Variants in SRPK2 observed in about 807,000 individuals in gnomAD.
SRPK2 encodes SFRS protein kinase 2.
In SRPK2, 21 loss-of-function variants were observed where a neutral mutation model predicts 90.8. The observed-to-expected ratio is 0.23, with a 90% CI of 0.16 to 0.33. The LOEUF (loss-of-function observed/expected upper bound fraction) is 0.33. Ranked by LOEUF, SRPK2 falls within the 10% of genes least tolerant of loss-of-function variation. The probability of loss-of-function intolerance (pLI) is 1.00; values close to 1 mark genes in which losing one functional copy is unlikely to be tolerated. For synonymous variants in SRPK2, 288 were observed against 311.1 expected, an observed-to-expected ratio of 0.93 and a Z score of 0.78; for missense variants, 620 against 869.0, an observed-to-expected ratio of 0.71 and a Z score of 3.60.
At chr7:105,185,738 G>C (rs1260075047) in intron 3 of SRPK2, among the ~76,000 whole-genome samples, 1 of 152,118 alleles carries the variant, frequency 6.6e-6, no homozygotes, top group Non-Finnish European at 1.5e-5. Flanking sequence ...GCCCCACCTA[G>C]TTTTATAATC....
chr7:105,243,630 C>CAAAAAAAAAAAAAAAA (rs767760238), intron 2 of SRPK2, among the ~76,000 whole-genome samples: 1 of 55,566 alleles, frequency 1.8e-5, no homozygotes, highest in Admixed American at 2.2e-4. Flanking sequence ...GACTCCATCT[C>CAAAAAAAAAAAAAAAA]AAAAAAAAAA....
intron 2 of SRPK2, among the ~76,000 whole-genome samples, chr7:105,367,209 C>T (rs1381663194): frequency 2.0e-5 from 3 of 151,900 alleles, no homozygotes; most frequent in African/African-American, 4.8e-5. Context: ...TACCAAGATA[C>T]GCAATTTACT....
chr7:105,316,200 T>C (rs1812293755), intron 2 of SRPK2, among the ~76,000 whole-genome samples: 1 of 152,034 alleles, frequency 6.6e-6, no homozygotes, highest in South Asian at 2.1e-4. Flanking sequence ...AATTTTTGTA[T>C]TTTTAGTAGA....
At chr7:105,233,079 GA>G (rs1222136139) in intron 2 of SRPK2, among the ~76,000 whole-genome samples, 4 of 125,242 alleles carry the variant, frequency 3.2e-5, no homozygotes, top group Non-Finnish European at 6.9e-5. Flanking sequence ...AGGAAGGAAG[GA>G]AAGGAAGGAA....
chr7:105,175,139 C>CA (rs377120080), intron 3 of SRPK2, among the ~76,000 whole-genome samples: 2,352 of 115,802 alleles, frequency 0.02, 41 homozygotes, highest in African/African-American at 0.059. Flanking sequence ...AACTCCGTTT[C>CA]AAAAAAAAAA....
At chr7:105,143,565 T>TA (rs1362381691) in intron 9 of SRPK2, 4 of 545,492 alleles carry the variant, frequency 7.3e-6, no homozygotes, top group Non-Finnish European at 1.3e-5. Flanking sequence ...CTCAGAGGGA[T>TA]ATAGCTTAAA....
At chr7:105,329,593 C>CAA (rs747890497) in intron 2 of SRPK2, among the ~76,000 whole-genome samples, 29 of 81,870 alleles carry the variant, frequency 3.5e-4, no homozygotes, top group East Asian at 9.4e-4. Context: ...GACTCCGTCT[C>CAA]AAAAAAAAAA....
chr7:105,270,321 C>A (rs1056004233), intron 2 of SRPK2, among the ~76,000 whole-genome samples: 3 of 151,982 alleles, frequency 2.0e-5, no homozygotes, highest in Non-Finnish European at 4.4e-5. Context: ...CCACAGTGAG[C>A]CCTCAGCAGG....
intron 2 of SRPK2, among the ~76,000 whole-genome samples, chr7:105,306,860 A>G (rs901215884): frequency 7.9e-5 from 12 of 152,326 alleles, no homozygotes; most frequent in East Asian, 5.8e-4. Flanking sequence ...AATATGGGGG[A>G]AAAATGTTTA....
intron 1 of SRPK2, among the ~76,000 whole-genome samples, chr7:105,396,883 A>C (rs1454465037): frequency 1.3e-5 from 2 of 150,020 alleles, no homozygotes; most frequent in Non-Finnish European, 3.0e-5. Context: ...GAAGGAAGGA[A>C]AGGAAGGAAG....
At chr7:105,340,518 C>T (rs1267151903) in intron 2 of SRPK2, among the ~76,000 whole-genome samples, 2 of 151,118 alleles carry the variant, frequency 1.3e-5, no homozygotes, top group African/African-American at 2.4e-5. Context: ...ATCCTCCCAA[C>T]TCAGTTGCCC....
chr7:105,353,328 G>T (rs1488537955), intron 2 of SRPK2, among the ~76,000 whole-genome samples: 2 of 151,980 alleles, frequency 1.3e-5, no homozygotes, highest in Non-Finnish European at 2.9e-5. Flanking sequence ...AATTCTTCCA[G>T]GTAATGGTTT....
intron 15 of SRPK2, chr7:105,125,876 T>C (rs1339185014): frequency 1.5e-6 from 2 of 1,298,438 alleles, no homozygotes; most frequent in Non-Finnish European, 2.0e-6. Flanking sequence ...CTATGTGATC[T>C]GCATTGGGAA....
intron 2 of SRPK2, among the ~76,000 whole-genome samples, chr7:105,209,032 C>T (rs1416877281): frequency 6.6e-6 from 1 of 152,160 alleles, no homozygotes; most frequent in Non-Finnish European, 1.5e-5. Context: ...ATATCCAACA[C>T]TACACCGTTA....
chr7:105,209,998 G>C (rs1191100277), intron 2 of SRPK2, among the ~76,000 whole-genome samples: 1 of 152,090 alleles, frequency 6.6e-6, no homozygotes, highest in Non-Finnish European at 1.5e-5. Context: ...TATTCTGCAT[G>C]TACACTTGCT....
chr7:105,291,640 G>C (rs1809038335), intron 2 of SRPK2, among the ~76,000 whole-genome samples: 1 of 152,188 alleles, frequency 6.6e-6, no homozygotes, highest in South Asian at 2.1e-4. Context: ...TGAGGCACAA[G>C]AATTGCTTGA....
chr7:105,146,365 T>C (rs1804629355), intron 8 of SRPK2, 128 bp downstream of exon 8: 4 of 834,212 alleles, frequency 4.8e-6, no homozygotes, highest in Non-Finnish European at 7.2e-6. Flanking sequence ...GGTGCAGTTA[T>C]TTCCAGCAAT....
intron 2 of SRPK2, among the ~76,000 whole-genome samples, chr7:105,244,089 G>A (rs957609619): frequency 2.6e-5 from 4 of 152,190 alleles, no homozygotes; most frequent in Non-Finnish European, 4.4e-5. Context: ...GGCAGGGGTA[G>A]AGGGCCCAAG....
At chr7:105,252,160 A>C (rs2129631526) in intron 2 of SRPK2, among the ~76,000 whole-genome samples, 1 of 151,692 alleles carries the variant, frequency 6.6e-6, no homozygotes, top group Non-Finnish European at 1.5e-5. Context: ...CAGCTCCTTA[A>C]AATAAAAAAT....
Sources: allele counts gnomAD v4.1 joint callset (sites outside exome capture counted in the v4.1 genomes callset), GRCh38; gene constraint gnomAD v4.1.1; transcripts MANE v1.5; gene names NCBI Gene and HGNC (gene_info 2026-07-23, HGNC 2026-07-21).